EYS: variants seen among roughly 807,000 people sequenced by gnomAD.
The protein encoded by EYS is EGF-like photoreceptor maintenance factor.
A neutral mutation model predicts 282.1 loss-of-function variants in EYS; 250 were observed. The observed-to-expected ratio is 0.89, with a 90% CI of 0.80 to 0.98. The LOEUF (loss-of-function observed/expected upper bound fraction) is 0.98. EYS is among the 50% of genes least tolerant of loss of function. The pLI is 0.00. For synonymous variants in EYS, 1,355 were observed against 1,282.9 expected (o/e 1.06, Z -1.20); for missense variants, 4,016 against 3,709.0 (o/e 1.08, Z -2.15).
At chr6:63,944,598 C>T (rs1011311875) in intron 35 of EYS, among the ~76,000 whole-genome samples, 1 of 152,052 alleles carries the variant, frequency 6.6e-6, no homozygotes, top group African/African-American at 2.4e-5. Context: ...TTTACATCTA[C>T]TCTTAGCATT....
In EYS at chr6:64,728,373, C is replaced by T. The variant is rs141664927; in HGVS notation, c.3443+85005G>A. 9.2e-3 allele frequency among the ~76,000 whole-genome samples: 1,401 copies of T among 152,050 alleles called. 28 individuals carry two copies. Among genetic ancestry groups the T allele is most frequent in the African/African-American group, 0.031 (1,301 of 41,484 alleles). ...TTTTTGAGATGGAGTCTTGCTCTGT[C>T]GCCCAGGCTGGAGTGCAGTGGCACA... On this transcript the variant is annotated intron_variant, in intron 22 of 42. Transcript: ENST00000503581.
intron 12 of EYS, among the ~76,000 whole-genome samples, chr6:65,085,292 G>A (rs1446324422): frequency 1.3e-5 from 2 of 152,108 alleles, no homozygotes; most frequent in Admixed American, 6.5e-5. Flanking sequence ...ATATCTCACA[G>A]CATTTGTGAT....
intron 26 of EYS, among the ~76,000 whole-genome samples, chr6:64,518,907 CA>C (rs766329998): frequency 1.6e-4 from 24 of 151,828 alleles, no homozygotes; most frequent in Non-Finnish European, 3.1e-4. Flanking sequence ...AACTGTGAAT[CA>C]ATTAAACCTC....
At chr6:64,196,155 A>G (rs1018736321) in intron 31 of EYS, among the ~76,000 whole-genome samples, 1 of 152,252 alleles carries the variant, frequency 6.6e-6, no homozygotes, top group Admixed American at 6.5e-5. Context: ...GCTCATCATC[A>G]CTGGCCATCA....
intron 31 of EYS, among the ~76,000 whole-genome samples, chr6:64,200,220 G>A (rs1021528666): frequency 6.6e-6 from 1 of 152,136 alleles, no homozygotes; most frequent in African/African-American, 2.4e-5. Context: ...TGATATAACA[G>A]TGGTAAAATT....
chr6:65,445,341 A>T (rs1768613659), intron 5 of EYS, among the ~76,000 whole-genome samples: 1 of 151,864 alleles, frequency 6.6e-6, no homozygotes, highest in Non-Finnish European at 1.5e-5. Flanking sequence ...AACTTAATTT[A>T]TTAGGGAAGT....
intron 2 of EYS, among the ~76,000 whole-genome samples, chr6:65,506,962 G>C (rs990440767): frequency 2.6e-5 from 4 of 151,942 alleles, no homozygotes; most frequent in African/African-American, 9.7e-5. Context: ...TTATTACTTT[G>C]AAGTTATTTC....
At chr6:64,596,734 A>G (rs1003247906) in intron 24 of EYS, among the ~76,000 whole-genome samples, 3 of 152,212 alleles carry the variant, frequency 2.0e-5, no homozygotes, top group African/African-American at 7.2e-5. Flanking sequence ...ACTTAAGCAT[A>G]AGACCCCAAG....
chr6:64,936,326 C>T (rs9445438), intron 15 of EYS, among the ~76,000 whole-genome samples: 2 of 151,228 alleles, frequency 1.3e-5, no homozygotes, highest in African/African-American at 2.4e-5. Context: ...CATGAAAAAT[C>T]TACAGCTAAC....
At chr6:64,964,218 G>A (rs1056377462) in intron 14 of EYS, among the ~76,000 whole-genome samples, 2 of 152,084 alleles carry the variant, frequency 1.3e-5, no homozygotes, top group African/African-American at 4.8e-5. Context: ...CTCTCGATAT[G>A]TATTCATGTA....
At chr6:65,075,816 T>C (rs1774033505) in intron 12 of EYS, among the ~76,000 whole-genome samples, 1 of 151,968 alleles carries the variant, frequency 6.6e-6, no homozygotes, top group Non-Finnish European at 1.5e-5. Context: ...AGTTGAAAAG[T>C]TTCATTTGAA....
chr6:64,930,517 T>C (rs566838527), intron 15 of EYS, among the ~76,000 whole-genome samples: 141 of 151,414 alleles, frequency 9.3e-4, no homozygotes, highest in Non-Finnish European at 1.7e-3. Flanking sequence ...ATTAAAACTT[T>C]CATAGTTTTT....
chr6:65,180,839 G>T (rs1031855780), intron 12 of EYS, among the ~76,000 whole-genome samples: 12 of 152,038 alleles, frequency 7.9e-5, no homozygotes, highest in African/African-American at 2.2e-4. Context: ...AAACAGCATG[G>T]TACTGGTACC....
chr6:65,388,342 A>T (rs1390852849), intron 7 of EYS, among the ~76,000 whole-genome samples: 2 of 152,044 alleles, frequency 1.3e-5, no homozygotes, highest in African/African-American at 4.8e-5. Flanking sequence ...AGAAAATTAT[A>T]AATACATGAG....
At position 64,564,268 on chromosome 6, in the gene EYS, CTTTTTTTTTTTTTT is replaced by C. The variant is rs4034161; in HGVS notation, c.5644+25941_5644+25954del. On this transcript the variant is annotated intron_variant, in intron 26 of 42. Coordinates refer to ENST00000503581, the MANE Select transcript of EYS (RefSeq NM_001142800.2). ...TCCTCATCAACACGTATCTTTTGTCCTTTTTTTTTTTTTTTTTTTTTTTTTTTGAGACGGAGTTT... is the reference window on the plus strand; with the variant it reads ...TCCTCATCAACACGTATCTTTTGTCCTTTTTTTTTTTTTGAGACGGAGTTT... 1.2e-4 allele frequency among the ~76,000 whole-genome samples: 7 copies of C among 59,374 alleles called. No homozygotes were observed. In the East Asian group the frequency reaches 1.8e-3, roughly 15 times the overall value. 39.0% of individuals were successfully genotyped at this position (59,374 alleles called of 152,430 possible).
At chr6:65,645,804 A>T (rs1302575882) in intron 1 of EYS, among the ~76,000 whole-genome samples, 1 of 152,132 alleles carries the variant, frequency 6.6e-6, no homozygotes, top group Non-Finnish European at 1.5e-5. Context: ...AAAAGAAGAG[A>T]GAAGTTTGAA....
intron 2 of EYS, among the ~76,000 whole-genome samples, chr6:65,639,129 T>TG (rs1767192017): frequency 6.6e-6 from 1 of 152,054 alleles, no homozygotes. Flanking sequence ...TTGCCAAATC[T>TG]AAGAGAAAAA....
chr6:64,443,173 C>T (rs1775005078), intron 26 of EYS, among the ~76,000 whole-genome samples: 1 of 152,198 alleles, frequency 6.6e-6, no homozygotes, highest in Non-Finnish European at 1.5e-5. Context: ...GACATGGAGT[C>T]AAAGGAGATC....
chr6:64,874,863 A>T (rs1433827766), intron 19 of EYS, among the ~76,000 whole-genome samples: 1 of 152,042 alleles, frequency 6.6e-6, no homozygotes, highest in Admixed American at 6.6e-5. Flanking sequence ...GGTAGTTCAC[A>T]TCGTGTATGA....
Sources: gnomAD v4.1 joint callset for allele counts (sites outside exome capture counted in the v4.1 genomes callset) on GRCh38, gnomAD v4.1.1 for gene constraint, MANE v1.5 for transcripts, NCBI Gene and HGNC (gene_info 2026-07-23, HGNC 2026-07-21) for gene names.